The following RFPL1 variants were observed in gnomAD, a reference collection of about 807,000 sequenced individuals.
RFPL1 encodes the protein ret finger protein like 1.
Under a neutral mutation model 9.6 loss-of-function variants are expected in RFPL1, and 6 were observed. The observed-to-expected ratio is 0.62, with a 90% CI of 0.34 to 1.23. RFPL1 has a LOEUF of 1.23. Among genes scored for constraint, RFPL1 ranks in the 50% most tolerant of loss-of-function variants. The pLI, the probability that RFPL1 is intolerant of heterozygous loss-of-function variation, is 0.03. For missense variants in RFPL1, 352 were observed against 398.4 expected (o/e 0.88, Z 0.99); for synonymous variants, 145 against 149.4 (o/e 0.97, Z 0.22).
the RFPL1 span, among the ~76,000 whole-genome samples, chr22:29,397,571 G>A: frequency 2.6e-5 from 4 of 152,130 alleles, no homozygotes; most frequent in Admixed American, 2.6e-4. Context: ...ACCCAGGATT[G>A]GACCTAAAAA....
At chr22:29,424,024 C>CA in the RFPL1 span, among the ~76,000 whole-genome samples, 2 of 151,986 alleles carry the variant, frequency 1.3e-5, no homozygotes, top group African/African-American at 4.8e-5. Flanking sequence ...ACTAAAAATA[C>CA]AAAAAATTAG....
rs746495077 is a variant in RFPL1, at chr22:29,439,043, C to G, written c.252C>G (p.Val84=). 3.7e-6 allele frequency: 6 copies of G among 1,614,142 alleles called. No homozygotes were observed. The South Asian group carries it at 4.4e-5, about 12-fold the overall frequency. Residue 84 remains valine (V), a synonymous_variant, in exon 1 of 2, where the codon GTC becomes GTG. Coordinates refer to ENST00000354373, the Ensembl canonical transcript of RFPL1. ...TACTTTGCTGTTGCTGTTCCATGGT[C>G]TCTCAGAAGAACAAAATCAGGCCCA...
the RFPL1 span, among the ~76,000 whole-genome samples, chr22:29,425,445 C>T: frequency 6.6e-6 from 1 of 152,128 alleles, no homozygotes; most frequent in African/African-American, 2.4e-5. Context: ...GGGACCAACC[C>T]TTAGCTCCTC....
chr22:29,398,392 C>T, the RFPL1 span, among the ~76,000 whole-genome samples: 2 of 152,180 alleles, frequency 1.3e-5, no homozygotes, highest in Non-Finnish European at 2.9e-5. Context: ...CCAGACTCCA[C>T]GCAAAAATCA....
the RFPL1 span, among the ~76,000 whole-genome samples, chr22:29,410,537 CTATA>C: frequency 7.3e-5 from 7 of 96,390 alleles, no homozygotes; most frequent in East Asian, 8.3e-4. Context: ...TATATATCTA[CTATA>C]TATAGAGATA....
chr22:29,419,143 A>T, the RFPL1 span: 1 of 1,605,264 alleles, frequency 6.2e-7, no homozygotes, highest in Non-Finnish European at 8.5e-7. Flanking sequence ...CACCAGGCCT[A>T]CTCCTACACA....
chr22:29,415,459 A>C, the RFPL1 span, among the ~76,000 whole-genome samples: 1 of 152,324 alleles, frequency 6.6e-6, no homozygotes, highest in East Asian at 1.9e-4. Flanking sequence ...GAGGCATTGC[A>C]CCGGGGCAAA....
the RFPL1 span, among the ~76,000 whole-genome samples, chr22:29,416,734 A>C: frequency 6.6e-6 from 1 of 152,174 alleles, no homozygotes; most frequent in Non-Finnish European, 1.5e-5. Context: ...GCTTGGTGCT[A>C]AGAGCTTTAC....
At chr22:29,388,574 C>T in the RFPL1 span, 1 of 152,270 alleles carries the variant, frequency 6.6e-6, no homozygotes, top group Non-Finnish European at 1.5e-5. Context: ...GTGAGCTGCC[C>T]GCGCGCGGGT....
chr22:29,423,015 CAT>C, the RFPL1 span: 135,612 of 836,446 alleles, frequency 0.16, 3,365 homozygotes, highest in Non-Finnish European at 0.19. Context: ...ATTCCTGCCA[CAT>C]GTTTCCAGGC....
At chr22:29,397,682 T>TTG in the RFPL1 span, among the ~76,000 whole-genome samples, 1 of 152,202 alleles carries the variant, frequency 6.6e-6, no homozygotes, top group African/African-American at 2.4e-5. Flanking sequence ...TGGGTGAGTG[T>TTG]TAACCCCCAT....
chr22:29,410,116 C>G, the RFPL1 span, among the ~76,000 whole-genome samples: 6 of 150,658 alleles, frequency 4.0e-5, no homozygotes, highest in East Asian at 1.2e-3. Context: ...AATAATAGAC[C>G]TGTGCCAACA....
the RFPL1 span, among the ~76,000 whole-genome samples, chr22:29,431,059 A>G: frequency 6.6e-6 from 1 of 151,968 alleles, no homozygotes; most frequent in African/African-American, 2.4e-5. Context: ...GATGTAAATG[A>G]GAGGGGAGGA....
the RFPL1 span, among the ~76,000 whole-genome samples, chr22:29,421,780 G>A: frequency 6.6e-6 from 1 of 151,052 alleles, no homozygotes; most frequent in African/African-American, 2.4e-5. Flanking sequence ...TCCACCCAGA[G>A]CTCTCCCACA....
At chr22:29,441,456 A>C in intron 1 of RFPL1, 86 bp from the exon 2 acceptor site, 2 of 1,450,116 alleles carry the variant, frequency 1.4e-6, no homozygotes, top group South Asian at 2.7e-5. Flanking sequence ...AACCAAAGTC[A>C]AGAGATATTT....
At chr22:29,406,362 T>A in the RFPL1 span, among the ~76,000 whole-genome samples, 2 of 152,020 alleles carry the variant, frequency 1.3e-5, no homozygotes, top group Non-Finnish European at 2.9e-5. Flanking sequence ...AGCCTTTATC[T>A]GTATCTCATC....
At chr22:29,438,631 C>T (rs2062820904) in exon 1 of RFPL1, 2 of 1,463,592 alleles carry the variant, frequency 1.4e-6, no homozygotes, top group Non-Finnish European at 1.8e-6. Context: ...GTAGAATGGA[C>T]CCTTCCTCCA....
chr22:29,438,411 G>A (rs569738549), upstream of RFPL1: 16 of 214,066 alleles, frequency 7.5e-5, no homozygotes, highest in African/African-American at 3.5e-4. Context: ...AACTTTTGAC[G>A]ACCTCAGATG....
the RFPL1 span, among the ~76,000 whole-genome samples, chr22:29,388,916 C>T: frequency 6.6e-6 from 1 of 152,144 alleles, no homozygotes; most frequent in Non-Finnish European, 1.5e-5. Context: ...CTCTGTTGCT[C>T]AAGCTAGAGT....
Sources: allele counts gnomAD v4.1 joint callset (sites outside exome capture counted in the v4.1 genomes callset), GRCh38; gene constraint gnomAD v4.1.1; transcripts MANE v1.5; gene names NCBI Gene and HGNC (gene_info 2026-07-23, HGNC 2026-07-21).